ASAH2: variants seen among roughly 807,000 people sequenced by gnomAD.
ASAH2 encodes neutral ceramidase.
In ASAH2, 58 loss-of-function variants were observed where a neutral mutation model predicts 82.9. The ratio of observed to expected loss-of-function variants is 0.70; its 90% CI spans 0.57 to 0.87. The LOEUF (loss-of-function observed/expected upper bound fraction) is 0.87. Among genes scored for constraint, ASAH2 ranks in the 40% least tolerant of loss-of-function variants. The pLI is 0.00. For missense variants in ASAH2, 779 were observed against 834.0 expected (o/e 0.93, Z 0.81); for synonymous variants, 276 against 289.7 (o/e 0.95, Z 0.48).
chr10:50,237,185 T>C (rs1369378102), intron 4 of ASAH2, among the ~76,000 whole-genome samples: 1 of 152,134 alleles, frequency 6.6e-6, no homozygotes, highest in Non-Finnish European at 1.5e-5. Context: ...GTACCTCATT[T>C]CCCAAATGAA....
chr10:50,241,735 C>A (rs562026341), intron 4 of ASAH2, among the ~76,000 whole-genome samples: 14 of 152,258 alleles, frequency 9.2e-5, no homozygotes, highest in African/African-American at 2.4e-4. Flanking sequence ...TCATGTCCTT[C>A]GCAGGGACAT....
At chr10:50,211,637 T>C (rs1845456535) in intron 10 of ASAH2, among the ~76,000 whole-genome samples, 2 of 152,296 alleles carry the variant, frequency 1.3e-5, no homozygotes, top group South Asian at 4.1e-4. Context: ...GTGCTTTTGC[T>C]TTTGTGTTTT....
At chr10:50,229,374 C>A (rs1271303766) in intron 7 of ASAH2, among the ~76,000 whole-genome samples, 1 of 152,044 alleles carries the variant, frequency 6.6e-6, no homozygotes, top group African/African-American at 2.4e-5. Context: ...ACAAAGATAG[C>A]AATATTTTTC....
chr10:50,230,301 G>A (rs1376600478), intron 7 of ASAH2, among the ~76,000 whole-genome samples: 2 of 152,132 alleles, frequency 1.3e-5, no homozygotes, highest in South Asian at 2.1e-4. Context: ...TGCTGGGCAG[G>A]TCACATCACC....
chr10:50,203,799 A>G, intron 14 of ASAH2, 120 bp from the exon 15 acceptor site: 1 of 831,148 alleles, frequency 1.2e-6, no homozygotes. Context: ...TAAAATATGT[A>G]GGAACCCAAT....
chr10:50,217,259 G>A (rs1417797155), intron 8 of ASAH2, among the ~76,000 whole-genome samples: 5 of 133,136 alleles, frequency 3.8e-5, no homozygotes, highest in East Asian at 2.1e-4. Flanking sequence ...ACGGAGTCTC[G>A]CACTGTCCCC....
intron 7 of ASAH2, among the ~76,000 whole-genome samples, chr10:50,228,473 TA>T (rs1278259073): frequency 1.3e-5 from 2 of 152,114 alleles, no homozygotes; most frequent in Admixed American, 1.3e-4. Flanking sequence ...CAGTTTTATG[TA>T]AAAAAAGTTT....
intron 10 of ASAH2, among the ~76,000 whole-genome samples, chr10:50,211,841 A>G (rs1803010885): frequency 1.3e-5 from 2 of 152,138 alleles, no homozygotes; most frequent in Admixed American, 6.5e-5. Context: ...GAGAGCTCTC[A>G]TAAGTCATCA....
At chr10:50,202,701 T>C (rs1845184473) in intron 16 of ASAH2, 128 bp downstream of exon 16, 2 of 742,210 alleles carry the variant, frequency 2.7e-6, no homozygotes, top group East Asian at 5.3e-5. Flanking sequence ...TCCTCTTACC[T>C]GTTATACCTG....
At chr10:50,220,009 T>C (rs1357360257) in intron 7 of ASAH2, among the ~76,000 whole-genome samples, 1 of 152,230 alleles carries the variant, frequency 6.6e-6, no homozygotes, top group African/African-American at 2.4e-5. Context: ...TTTAAAATTC[T>C]TCAGGAAGTA....
chr10:50,211,223 T>C lies in ASAH2; in HGVS notation c.1228-89A>G, dbSNP rs370845103. The C allele has an allele frequency of 4.1e-4, 409 of 1,001,050 alleles. No individual in the cohort carries two copies. In the East Asian group the frequency reaches 8.1e-3, roughly 20 times the overall value. 62.0% of individuals were successfully genotyped at this position (1,001,050 alleles called of 1,614,324 possible). ...TCAGGAAGTACCAATTTGATGCAAT[T>C]TGGAAATGCATCTCTCAGCAAAGCT... On this transcript the variant is annotated intron_variant, in intron 10 of 20. Transcript: ENST00000682911.
At chr10:50,241,018 T>C (rs1270080590) in intron 4 of ASAH2, among the ~76,000 whole-genome samples, 2 of 152,252 alleles carry the variant, frequency 1.3e-5, no homozygotes, top group Non-Finnish European at 2.9e-5. Flanking sequence ...GCTTCCTCCT[T>C]GCTCATTCTC....
At chr10:50,233,065 G>A (rs1223952958) in intron 7 of ASAH2, 119 bp downstream of exon 7, 19 of 862,282 alleles carry the variant, frequency 2.2e-5, no homozygotes, top group Non-Finnish European at 3.6e-5. Flanking sequence ...TCAGAACCTG[G>A]ACTCTTAACC....
intron 18 of ASAH2, among the ~76,000 whole-genome samples, chr10:50,194,366 TTAAAATAAC>T (rs1844919772): frequency 6.6e-6 from 1 of 151,642 alleles, no homozygotes; most frequent in African/African-American, 2.4e-5. Flanking sequence ...AAATACCTTA[TTAAAATAAC>T]AAAAGACAAA....
rs1186500390 is a variant in ASAH2 at position 50,214,926 on chromosome 10, C to T, written c.1015-58G>A. ...CTTTCCTATTTCCTGTAATGAATGC[C>T]ATTAGAAATACAAACATTAAATCCA... is the stretch of plus-strand genomic sequence containing the variant. On this transcript the variant is annotated intron_variant, in intron 8 of 20. Transcript: ENST00000682911. The T allele has an allele frequency of 2.5e-6, 4 of 1,593,530 alleles. No homozygotes were observed. In the African/African-American group the frequency reaches 5.4e-5, roughly 22 times the overall value.
intron 2 of ASAH2, among the ~76,000 whole-genome samples, chr10:50,246,372 C>T (rs1178577760): frequency 6.6e-6 from 1 of 152,180 alleles, no homozygotes; most frequent in Non-Finnish European, 1.5e-5. Flanking sequence ...ACAATGGCTA[C>T]TATGTAGCTT....
rs1844760286 is a variant in ASAH2, at chr10:50,186,970, G to T, written c.*345C>A. The T allele has an allele frequency of 6.4e-6, 1 of 156,076 alleles. No individual in the cohort carries two copies. The highest frequency in any genetic ancestry group is 1.3e-5 in the Non-Finnish European group (1 of 75,116). 9.7% of individuals were successfully genotyped at this position (156,076 alleles called of 1,614,324 possible). On this transcript the variant is annotated 3_prime_UTR_variant, in exon 21 of 21. Coordinates refer to ENST00000682911, the MANE Select transcript of ASAH2 (RefSeq NM_019893.4). ...GAGCCATTCTCACTAATATTTCAGA[G>T]GTTTTATATTGAAGGGACTCTCCTT...
chr10:50,220,342 A>G (rs1355650056), intron 7 of ASAH2, among the ~76,000 whole-genome samples: 6 of 152,346 alleles, frequency 3.9e-5, no homozygotes, highest in Admixed American at 3.3e-4. Flanking sequence ...TCGTTGCAGC[A>G]CTATTCACAA....
Position 50,203,640 on chromosome 10 carries a change from T to C in ASAH2, c.1665A>G (p.Ala555=). The change falls in exon 15 of 21, where the codon GCA becomes GCG. Residue 555 remains alanine (A), a splice_region_variant and synonymous_variant. Coordinates refer to ENST00000682911, the MANE Select transcript of ASAH2 (RefSeq NM_019893.4). The stretch of plus-strand genomic sequence containing the variant: ...ATATGTTATTTTATTTTTAACTTAC[T>C]GCTTGAACTGCCTCTCGAAGTCTTC... The part of the protein sequence containing the change: ...SGRRLREAVQ[A]EFASHGMQNM... The C allele has an allele frequency of 6.2e-7, 1 of 1,612,224 alleles. No individual in the cohort carries two copies.
Sources: allele counts gnomAD v4.1 joint callset (sites outside exome capture counted in the v4.1 genomes callset), GRCh38; gene constraint gnomAD v4.1.1; transcripts MANE v1.5; gene names NCBI Gene and HGNC (gene_info 2026-07-23, HGNC 2026-07-21).